Variants in ZFHX3 observed in about 807,000 individuals in gnomAD.
The protein encoded by ZFHX3 is zinc finger homeobox 3.
A neutral mutation model predicts 279.1 loss-of-function variants in ZFHX3; 42 were observed. The ratio of observed to expected loss-of-function variants is 0.15; its 90% CI spans 0.12 to 0.19. ZFHX3 has a LOEUF of 0.19. Among genes scored for constraint, ZFHX3 ranks in the 10% least tolerant of loss-of-function variants. The probability of loss-of-function intolerance (pLI) is 1.00; values close to 1 mark genes in which losing one functional copy is unlikely to be tolerated. For synonymous variants in ZFHX3, 2,293 were observed against 1,957.8 expected (o/e 1.17, Z -4.52); for missense variants, 4,981 against 4,754.0 (o/e 1.05, Z -1.40).
chr16:73,203,021 T>C (rs1179574043), intron 5 of ZFHX3, among the ~76,000 whole-genome samples: 1 of 151,592 alleles, frequency 6.6e-6, no homozygotes, highest in Non-Finnish European at 1.5e-5. Flanking sequence ...TAAATTTAGC[T>C]GAAGCATCAC....
chr16:73,439,833 T>C (rs527316955), intron 3 of ZFHX3, among the ~76,000 whole-genome samples: 4 of 149,636 alleles, frequency 2.7e-5, no homozygotes, highest in Non-Finnish European at 5.9e-5. Context: ...TGTGGCATAT[T>C]TGCCTTGAAA....
intron 2 of ZFHX3, among the ~76,000 whole-genome samples, chr16:73,530,653 C>CA (rs1417150550): frequency 6.6e-6 from 1 of 152,156 alleles, no homozygotes; most frequent in African/African-American, 2.4e-5. Flanking sequence ...CAACATTCCT[C>CA]AATTTTCTGC....
intron 3 of ZFHX3, among the ~76,000 whole-genome samples, chr16:72,904,767 C>T (rs1597364941): frequency 3.7e-5 from 5 of 135,926 alleles, no homozygotes; most frequent in African/African-American, 1.4e-4. Context: ...ACAGTGGCTC[C>T]TTGCCTGTGG....
chr16:73,588,858 T>A (rs1469938220), intron 2 of ZFHX3, among the ~76,000 whole-genome samples: 3 of 151,870 alleles, frequency 2.0e-5, no homozygotes, highest in African/African-American at 7.2e-5. Context: ...GAGAGAAAGA[T>A]TGAGAGAGAA....
intron 2 of ZFHX3, among the ~76,000 whole-genome samples, chr16:73,647,094 G>A (rs2052625911): frequency 6.7e-6 from 1 of 149,456 alleles, no homozygotes; most frequent in African/African-American, 2.5e-5. Flanking sequence ...CGCACTGCAC[G>A]GTCCGACTCC....
intron 1 of ZFHX3, among the ~76,000 whole-genome samples, chr16:73,775,871 G>C (rs936622714): frequency 6.6e-5 from 10 of 152,148 alleles, no homozygotes; most frequent in African/African-American, 2.2e-4. Context: ...ATTCTGGAGA[G>C]GTTGAAAAAT....
At chr16:73,706,048 T>A (rs957753580) in intron 1 of ZFHX3, among the ~76,000 whole-genome samples, 4 of 152,182 alleles carry the variant, frequency 2.6e-5, no homozygotes, top group Non-Finnish European at 4.4e-5. Context: ...CTCACACCTG[T>A]AATCCCAGCA....
chr16:73,711,914 T>C (rs1288311177), intron 1 of ZFHX3, among the ~76,000 whole-genome samples: 1 of 152,130 alleles, frequency 6.6e-6, no homozygotes, highest in Non-Finnish European at 1.5e-5. Flanking sequence ...CCTACAGCCC[T>C]TGAGGCCCTG....
chr16:73,000,703 C>T (rs1379249660), intron 1 of ZFHX3, among the ~76,000 whole-genome samples: 7 of 152,166 alleles, frequency 4.6e-5, no homozygotes, highest in Non-Finnish European at 8.8e-5. Flanking sequence ...TCTCAAATTA[C>T]GCTAGACATG....
rs543029917 is a variant in ZFHX3 at position 73,293,480 on chromosome 16, T to C, written c.-1194+24760A>G. Among the ~76,000 whole-genome samples, 403 of 152,364 alleles carry C rather than the reference T, an allele frequency of 2.6e-3. 1 individual carries two copies. Among genetic ancestry groups the C allele is most frequent in the Middle Eastern group, 0.01 (3 of 294 alleles). ...ACTTTCAAGATTTTGGTGCCTGTAA[T>C]GTCCCTGTAGTTTAATTAACTATCT... is the stretch of plus-strand genomic sequence containing the variant. On this transcript the variant is annotated intron_variant, in intron 4 of 17. Transcript: ENST00000641206.
At chr16:72,788,879 C>T (rs1340286922) in intron 9 of ZFHX3, 31 bp from the exon 10 acceptor site, 38 of 1,513,770 alleles carry the variant, frequency 2.5e-5, no homozygotes, top group Non-Finnish European at 3.4e-5. Context: ...AATCACCGGT[C>T]AGTCTGGGCA....
chr16:72,876,151 G>A (rs1348285307), intron 4 of ZFHX3, among the ~76,000 whole-genome samples: 1 of 152,178 alleles, frequency 6.6e-6, no homozygotes, highest in Non-Finnish European at 1.5e-5. Flanking sequence ...TGCAACTTCA[G>A]AGGTTTTGGC....
At chr16:73,830,778 A>G (rs1960975532) in intron 1 of ZFHX3, among the ~76,000 whole-genome samples, 1 of 152,366 alleles carries the variant, frequency 6.6e-6, no homozygotes, top group Non-Finnish European at 1.5e-5. Context: ...GTCTTATTGC[A>G]TTCCAAATCC....
intron 5 of ZFHX3, among the ~76,000 whole-genome samples, chr16:73,222,365 A>T (rs2012451722): frequency 1.3e-5 from 2 of 152,142 alleles, no homozygotes; most frequent in African/African-American, 4.8e-5. Context: ...AAGTGATTAT[A>T]GCAAGGTTGC....
At chr16:72,953,337 G>A (rs1035744193) in intron 2 of ZFHX3, among the ~76,000 whole-genome samples, 1 of 152,108 alleles carries the variant, frequency 6.6e-6, no homozygotes, top group Non-Finnish European at 1.5e-5. Context: ...CCTTAACGGG[G>A]ACGAAGGCCA....
rs141866074 is a variant in ZFHX3 at position 73,864,402 on chromosome 16, C to T, written c.-1608+27249G>A. 2.0e-5 allele frequency among the ~76,000 whole-genome samples: 3 copies of T among 152,278 alleles called. No homozygotes were observed. The East Asian group carries it at 5.8e-4, about 29-fold the overall frequency. On this transcript the variant is annotated intron_variant, in intron 1 of 17. Transcript: ENST00000641206. ...AACACAGAGGTTAGAGTGGAACAAA[C>T]ATTCACAAAATACTTGGGGAAAATA... is the stretch of plus-strand genomic sequence containing the variant.
At chr16:73,523,941 A>G (rs1175594402) in intron 2 of ZFHX3, among the ~76,000 whole-genome samples, 1 of 152,218 alleles carries the variant, frequency 6.6e-6, no homozygotes, top group African/African-American at 2.4e-5. Flanking sequence ...AGCAAATGAA[A>G]GTTTCAAAAT....
chr16:73,465,061 C>T (rs751731367), intron 2 of ZFHX3, among the ~76,000 whole-genome samples: 4 of 152,184 alleles, frequency 2.6e-5, no homozygotes, highest in Admixed American at 2.0e-4. Context: ...CCCGGCACAC[C>T]GGCCAGCTGC....
chr16:73,135,913 A>C (rs1269716391), intron 6 of ZFHX3, among the ~76,000 whole-genome samples: 1 of 150,738 alleles, frequency 6.6e-6, no homozygotes, highest in African/African-American at 2.4e-5. Context: ...GCTGGAGTAC[A>C]GTGGTGCGAT....
Sources: gnomAD v4.1 joint callset for allele counts (sites outside exome capture counted in the v4.1 genomes callset) on GRCh38, gnomAD v4.1.1 for gene constraint, MANE v1.5 for transcripts, NCBI Gene and HGNC (gene_info 2026-07-23, HGNC 2026-07-21) for gene names.